MIGA2: variants seen among roughly 807,000 people sequenced by gnomAD.
The protein encoded by MIGA2 is mitoguardin 2.
MIGA2 carries 36 observed loss-of-function variants against 69.9 expected under a neutral mutation model. The observed-to-expected ratio is 0.52, with a 90% CI of 0.39 to 0.68. The LOEUF is 0.68. Ranked by LOEUF, MIGA2 falls within the 30% of genes least tolerant of loss-of-function variation. MIGA2 has a pLI of 0.00. For missense variants in MIGA2, 660 were observed against 787.7 expected (o/e 0.84, Z 1.94); for synonymous variants, 333 against 349.2 (o/e 0.95, Z 0.52).
chr9:129,043,102 G>A (rs1214460663), intron 3 of MIGA2, among the ~76,000 whole-genome samples: 2 of 151,932 alleles, frequency 1.3e-5, no homozygotes, highest in Admixed American at 6.6e-5. Context: ...GCTGAGGCAG[G>A]AGAATGGCGT....
intron 11 of MIGA2, 65 bp downstream of exon 11, chr9:129,063,696 C>A: frequency 6.5e-7 from 1 of 1,542,424 alleles, no homozygotes; most frequent in South Asian, 1.1e-5. Context: ...CCCCTGAACC[C>A]CACCTGCCAG....
At chr9:129,063,340 C>T (rs1193824153) in intron 10 of MIGA2, 24 bp downstream of exon 10, 26 of 1,608,100 alleles carry the variant, frequency 1.6e-5, no homozygotes, top group Admixed American at 1.2e-4. Flanking sequence ...GGGGGTTCCT[C>T]GGGGGTGGGA....
chr9:129,070,341 C>T lies in MIGA2; in HGVS notation c.1670C>T (p.Ser557Phe), dbSNP rs868627955. The change falls in exon 16 of 16, where the codon TCC becomes TTC. Residue 557 changes from serine (S) to phenylalanine (F), a missense_variant. Coordinates refer to ENST00000684074, the MANE Select transcript of MIGA2 (RefSeq NM_001329990.2). ...CTGGCAGACGACATCCTGCAGCTGT[C>T]CCGGCGCCGCAGCGAGATATTGCTG... ...PALADDILQL[S>F]RRRSEILLGY... 1 of 1,613,074 alleles carries T rather than the reference C, an allele frequency of 6.2e-7. No homozygotes were observed.
In MIGA2 at chr9:129,068,178, C is replaced by A. The variant is rs775302678; in HGVS notation, c.1270-20C>A. ...CGGCAGTGCCCCCATGCATGAGCCT[C>A]CCGGGGGCACCCTCTGTAGGTGGTA... On this transcript the variant is annotated intron_variant, in intron 12 of 15. Transcript: ENST00000684074. This position sits in a 1 kb window ranked among gnomAD's most constrained non-coding sequence, Gnocchi z 4.1. The A allele has an allele frequency of 6.2e-7, 1 of 1,613,680 alleles. No homozygotes were observed. The highest frequency in any genetic ancestry group is 2.2e-5 in the East Asian group (1 of 44,876).
chr9:129,049,638 C>T, intron 5 of MIGA2, 140 bp downstream of exon 5: 3 of 1,253,228 alleles, frequency 2.4e-6, no homozygotes, highest in Non-Finnish European at 3.4e-6. Flanking sequence ...CCAGCCATTT[C>T]TGAACAAGGG....
chr9:129,042,165 G>T, intron 2 of MIGA2, 139 bp from the exon 3 acceptor site: 2 of 763,718 alleles, frequency 2.6e-6, no homozygotes, highest in Non-Finnish European at 4.3e-6. Context: ...TAGGGTGGCT[G>T]CCTCTCAGTC....
chr9:129,043,959 C>G (rs1845064396), intron 3 of MIGA2, among the ~76,000 whole-genome samples: 1 of 151,670 alleles, frequency 6.6e-6, no homozygotes, highest in Non-Finnish European at 1.5e-5. Flanking sequence ...CTCGGCCTCC[C>G]AAAGTGCTGG....
chr9:129,063,499 A>G, intron 10 of MIGA2, 46 bp from the exon 11 acceptor site: 1 of 1,603,824 alleles, frequency 6.2e-7, no homozygotes. Context: ...GCTTTGAGGG[A>G]CTGCCGTGCC....
chr9:129,049,968 G>A lies in MIGA2; in HGVS notation c.675+5G>A. ...GCATCAGAGCCACTGTCTGAGGTAG[G>A]TGGTCTTCTGCATCCCCCTACGCCC... On this transcript the variant is annotated splice_donor_5th_base_variant and intron_variant, in intron 6 of 15. Transcript: ENST00000684074. The A allele has an allele frequency of 6.2e-7, 1 of 1,610,350 alleles. No individual in the cohort carries two copies. The highest frequency in any genetic ancestry group is 8.5e-7 in the Non-Finnish European group (1 of 1,178,398).
intron 6 of MIGA2, among the ~76,000 whole-genome samples, chr9:129,053,217 C>T (rs1412549202): frequency 6.6e-6 from 1 of 152,066 alleles, no homozygotes; most frequent in African/African-American, 2.4e-5. Flanking sequence ...CAGGCCTGGT[C>T]CATAGTAGGT....
rs1846708208 is a variant in MIGA2 at position 129,072,032 on chromosome 9, G to A, written c.*1579G>A. On this transcript the variant is annotated 3_prime_UTR_variant, in exon 16 of 16. Transcript: ENST00000684074. ...ACAGCTTCGACTTTTGGATGGTAGAGTGTGTGCACTGACTGTGAGTCGAAT... is the reference window on the plus strand; with the variant it reads ...ACAGCTTCGACTTTTGGATGGTAGAATGTGTGCACTGACTGTGAGTCGAAT... 7 of 152,708 alleles carry A rather than the reference G, an allele frequency of 4.6e-5. No homozygotes were observed. The highest frequency in any genetic ancestry group is 1.5e-5 in the Non-Finnish European group (1 of 68,070). 9.5% of individuals were successfully genotyped at this position (152,708 alleles called of 1,614,324 possible). A position where few individuals can be genotyped will look rare whatever the true frequency, so the allele number is the denominator to read the frequency against.
At chr9:129,052,453 G>A (rs949242531) in intron 6 of MIGA2, among the ~76,000 whole-genome samples, 1 of 151,266 alleles carries the variant, frequency 6.6e-6, no homozygotes, top group African/African-American at 2.4e-5. Context: ...GCAATATCAG[G>A]AAAGGAAAAT....
At position 129,060,438 on chromosome 9, in the gene MIGA2, A is replaced by T; in HGVS notation, c.794-112A>T. 1 of 841,062 alleles carries T rather than the reference A, an allele frequency of 1.2e-6. No individual in the cohort carries two copies. The highest frequency in any genetic ancestry group is 1.9e-6 in the Non-Finnish European group (1 of 539,298). 52.1% of individuals were successfully genotyped at this position (841,062 alleles called of 1,614,324 possible). On this transcript the variant is annotated intron_variant, in intron 7 of 15. Coordinates refer to ENST00000684074, the MANE Select transcript of MIGA2 (RefSeq NM_001329990.2). The surrounding 1 kb of genome is among the most constrained non-coding windows in gnomAD (Gnocchi z 4.8). ...CTTTGCCATTGAGTGTGGGAATCAC[A>T]GGCTCGGGATGAAGCCTCCCCTGGG...
chr9:129,069,819 C>T lies in MIGA2; in HGVS notation c.1459-30C>T. 17 of 1,537,748 alleles carry T rather than the reference C, an allele frequency of 1.1e-5. No homozygotes were observed. Among genetic ancestry groups the T allele is most frequent in the Non-Finnish European group, 1.4e-5 (16 of 1,111,576 alleles). The stretch of plus-strand genomic sequence containing the variant: ...GTGCCCTCATCCTACCTGGGCCCCG[C>T]CTGGCCCCTCAGCCTTGTGCCCACC... On this transcript the variant is annotated intron_variant, in intron 14 of 15. Coordinates refer to ENST00000684074, the MANE Select transcript of MIGA2 (RefSeq NM_001329990.2). This position sits in a 1 kb window ranked among gnomAD's most constrained non-coding sequence, Gnocchi z 4.9.
In MIGA2 at chr9:129,068,434, C is replaced by G. The variant is rs1447576616; in HGVS notation, c.1404+102C>G. ...CCCTAGCACTGGCACCAGGGCTGGG[C>G]CCCCACCCCCTAGATCCGCGGCTGC... On this transcript the variant is annotated intron_variant, in intron 13 of 15. Transcript: ENST00000684074. This position sits in a 1 kb window ranked among gnomAD's most constrained non-coding sequence, Gnocchi z 4.1. The G allele has an allele frequency of 3.4e-6, 5 of 1,486,806 alleles. No homozygotes were observed. The African/African-American group carries it at 6.9e-5, about 21-fold the overall frequency. The allele number at this position is 1,486,806 out of a possible 1,614,324, so 92.1% of individuals were successfully genotyped here.
intron 6 of MIGA2, among the ~76,000 whole-genome samples, chr9:129,052,067 C>G (rs1045260102): frequency 6.6e-6 from 1 of 152,058 alleles, no homozygotes; most frequent in Non-Finnish European, 1.5e-5. Context: ...ACCTCGTGAT[C>G]CGCCCGCCTC....
chr9:129,043,344 C>T (rs1441648398), intron 3 of MIGA2, among the ~76,000 whole-genome samples: 3 of 150,954 alleles, frequency 2.0e-5, no homozygotes, highest in African/African-American at 4.9e-5. Context: ...TTCACTCAGT[C>T]GATTGCTCAC....
chr9:129,069,574 T>C lies in MIGA2; in HGVS notation c.1459-275T>C. On this transcript the variant is annotated intron_variant, in intron 14 of 15. Transcript: ENST00000684074. This position sits in a 1 kb window ranked among gnomAD's most constrained non-coding sequence, Gnocchi z 4.9. Reference sequence around the variant, plus strand: ...CCTCTGCGGGCCAGGCTCTGTTGCCTAGCTGATACCAGCTGCCGTGGCCAC... The same window carrying C: ...CCTCTGCGGGCCAGGCTCTGTTGCCCAGCTGATACCAGCTGCCGTGGCCAC... 5.5e-6 allele frequency: 3 copies of C among 546,372 alleles called. No individual in the cohort carries two copies. Among genetic ancestry groups the C allele is most frequent in the Non-Finnish European group, 9.9e-6 (3 of 302,512 alleles). The allele number at this position is 546,372 out of a possible 1,614,324, so 33.8% of individuals were successfully genotyped here. A position where few individuals can be genotyped will look rare whatever the true frequency, so the allele number is the denominator to read the frequency against.
Position 129,068,771 on chromosome 9 carries a change from C to T in MIGA2, c.1405-305C>T, listed in dbSNP as rs1040607182. 4 of 461,094 alleles carry T rather than the reference C, an allele frequency of 8.7e-6. No individual in the cohort carries two copies. The highest frequency in any genetic ancestry group is 2.7e-5 in the South Asian group (1 of 37,474). The allele number at this position is 461,094 out of a possible 1,614,324, so 28.6% of individuals were successfully genotyped here. On this transcript the variant is annotated intron_variant, in intron 13 of 15. Coordinates refer to ENST00000684074, the MANE Select transcript of MIGA2 (RefSeq NM_001329990.2). This position sits in a 1 kb window ranked among gnomAD's most constrained non-coding sequence, Gnocchi z 4.1. Reference sequence around the variant, plus strand: ...GCCCAGGCTTCTGCGAGGTGGTTTACAGGCGGGAACCATTGCTCCCACAAC... The same window carrying T: ...GCCCAGGCTTCTGCGAGGTGGTTTATAGGCGGGAACCATTGCTCCCACAAC...
Sources: allele counts gnomAD v4.1 joint callset (sites outside exome capture counted in the v4.1 genomes callset), GRCh38; gene constraint gnomAD v4.1.1; non-coding constraint Gnocchi (gnomAD v3.1); transcripts MANE v1.5; gene names NCBI Gene and HGNC (gene_info 2026-07-23, HGNC 2026-07-21).